FREM3: variants seen among roughly 807,000 people sequenced by gnomAD.
The protein encoded by FREM3 is FRAS1-related extracellular matrix protein 3.
A neutral mutation model predicts 129.1 loss-of-function variants in FREM3; 105 were observed. The ratio of observed to expected loss-of-function variants is 0.81; its 90% confidence interval spans 0.69 to 0.96. The LOEUF (loss-of-function observed/expected upper bound fraction) is 0.96, where lower values mean the gene tolerates loss of function less well. FREM3 is among the 40% of genes least tolerant of loss of function. The pLI is 0.00. For synonymous variants in FREM3, 1,014 were observed against 1,044.9 expected, an observed-to-expected ratio of 0.97 and a Z score of 0.57; for missense variants, 2,593 against 2,666.3, an observed-to-expected ratio of 0.97 and a Z score of 0.61.
chr4:143,584,537 C>T (rs1216826184), intron 7 of FREM3, among the ~76,000 whole-genome samples: 4 of 151,896 alleles, frequency 2.6e-5, no homozygotes, highest in Non-Finnish European at 5.9e-5. Flanking sequence ...CAAAGACAGG[C>T]ATTATATAAT....
rs1228902627 is a variant in FREM3 at position 143,646,810 on chromosome 4, C to T, written c.5276-19050G>A. Reference sequence around the variant, plus strand: ...GAGTGGGGTTCTTCTATAAAGATACCCAAAAATGTGGAAGCGACTTTGGAA... The same window carrying T: ...GAGTGGGGTTCTTCTATAAAGATACTCAAAAATGTGGAAGCGACTTTGGAA... On this transcript the variant is annotated intron_variant, in intron 2 of 7. Transcript: ENST00000329798. Among the ~76,000 whole-genome samples the T allele has an allele frequency of 2.0e-5, 3 of 152,164 alleles. No homozygotes were observed. In the East Asian group the frequency reaches 5.8e-4, roughly 29 times the overall value.
chr4:143,612,327 A>G (rs1738773062), intron 5 of FREM3, among the ~76,000 whole-genome samples: 1 of 152,230 alleles, frequency 6.6e-6, no homozygotes, highest in East Asian at 1.9e-4. Flanking sequence ...AATTTCATAC[A>G]AATGAAGCAT....
At chr4:143,624,694 T>A (rs187076950) in intron 3 of FREM3, among the ~76,000 whole-genome samples, 1 of 152,154 alleles carries the variant, frequency 6.6e-6, no homozygotes, top group Non-Finnish European at 1.5e-5. Flanking sequence ...CCCAGAAAGT[T>A]CATAGTCTCA....
At chr4:143,616,481 A>G (rs951985932) in intron 5 of FREM3, among the ~76,000 whole-genome samples, 8 of 152,060 alleles carry the variant, frequency 5.3e-5, no homozygotes, top group Admixed American at 4.6e-4. Flanking sequence ...CATGCTTGGA[A>G]CCCTTTAAGA....
At chr4:143,648,973 A>T (rs1739466623) in intron 2 of FREM3, among the ~76,000 whole-genome samples, 1 of 152,150 alleles carries the variant, frequency 6.6e-6, no homozygotes, top group Admixed American at 6.5e-5. Context: ...TATGTTGCCT[A>T]GGCTGGTCTC....
At chr4:143,660,342 T>C (rs1271468334) in intron 2 of FREM3, among the ~76,000 whole-genome samples, 2 of 152,104 alleles carry the variant, frequency 1.3e-5, no homozygotes, top group Non-Finnish European at 2.9e-5. Flanking sequence ...AAATGGGGAA[T>C]CCTTTCCCCA....
At chr4:143,641,146 T>G (rs1416877523) in intron 2 of FREM3, among the ~76,000 whole-genome samples, 3 of 151,820 alleles carry the variant, frequency 2.0e-5, no homozygotes, top group African/African-American at 7.3e-5. Flanking sequence ...AAATAGGAGG[T>G]GTAAAAGCCA....
intron 2 of FREM3, among the ~76,000 whole-genome samples, chr4:143,647,091 AG>A (rs1300956042): frequency 6.6e-6 from 1 of 152,204 alleles, no homozygotes; most frequent in African/African-American, 2.4e-5. Flanking sequence ...GTCCAGGTTG[AG>A]GTGGTCTCAG....
chr4:143,650,510 T>A (rs1739492492), intron 2 of FREM3, among the ~76,000 whole-genome samples: 2 of 152,180 alleles, frequency 1.3e-5, no homozygotes, highest in South Asian at 4.1e-4. Flanking sequence ...ACTTATTTAT[T>A]ATAGAGACCT....
intron 2 of FREM3, among the ~76,000 whole-genome samples, chr4:143,663,332 T>C (rs1739780435): frequency 6.6e-6 from 1 of 152,110 alleles, no homozygotes. Context: ...TTATTTCTCC[T>C]TCACTTATGA....
chr4:143,698,175 T>C lies in FREM3; in HGVS notation c.2501A>G (p.Asn834Ser), dbSNP rs1171287061. The change falls in exon 1 of 8, where the codon AAC becomes AGC. Residue 834 changes from asparagine to serine, a missense_variant. Asn to Ser is a conservative substitution (Grantham distance 46, BLOSUM62 1). Coordinates refer to ENST00000329798, the MANE Select transcript of FREM3 (RefSeq NM_001168235.2). The part of the protein sequence containing the change: ...PVDNQPPEVT[N>S]RGFAILEGGS... Reference sequence around the variant, plus strand: ...TCCCTCTAAGATAGCAAAGCCTCTGTTGGTGACTTCTGGGGGCTGGTTGTC... The same window carrying C: ...TCCCTCTAAGATAGCAAAGCCTCTGCTGGTGACTTCTGGGGGCTGGTTGTC... 3.3e-6 allele frequency: 5 copies of C among 1,537,354 alleles called. No individual in the cohort carries two copies. Among genetic ancestry groups the C allele is most frequent in the Admixed American group, 2.0e-5 (1 of 50,978 alleles).
chr4:143,602,777 T>C (rs1450390871), intron 6 of FREM3, among the ~76,000 whole-genome samples: 2 of 152,182 alleles, frequency 1.3e-5, no homozygotes, highest in Non-Finnish European at 2.9e-5. Context: ...TTTTGTCCTG[T>C]ATTTAAAGGA....
chr4:143,630,841 T>C (rs535906940), intron 2 of FREM3, among the ~76,000 whole-genome samples: 7 of 152,294 alleles, frequency 4.6e-5, no homozygotes, highest in African/African-American at 1.7e-4. Flanking sequence ...CATCTACAGA[T>C]GTTTTAAAGC....
chr4:143,663,905 G>A (rs1020542450), intron 2 of FREM3, among the ~76,000 whole-genome samples: 2 of 151,882 alleles, frequency 1.3e-5, no homozygotes, highest in Non-Finnish European at 1.5e-5. Context: ...CATTCTTCAC[G>A]TAGTTCTCGA....
intron 2 of FREM3, among the ~76,000 whole-genome samples, chr4:143,662,878 G>C (rs987929311): frequency 5.3e-5 from 8 of 152,042 alleles, no homozygotes; most frequent in East Asian, 3.9e-4. Flanking sequence ...GGTTTAAAGT[G>C]TGTTTTATCA....
chr4:143,637,162 T>G (rs916564491), intron 2 of FREM3, among the ~76,000 whole-genome samples: 4 of 152,192 alleles, frequency 2.6e-5, no homozygotes, highest in Non-Finnish European at 4.4e-5. Context: ...TCATTGTCAT[T>G]TGGAAAATGC....
chr4:143,647,786 C>G (rs111229588), intron 2 of FREM3, among the ~76,000 whole-genome samples: 75 of 152,266 alleles, frequency 4.9e-4, no homozygotes, highest in African/African-American at 1.8e-3. Context: ...ATGTGAAGCC[C>G]TATGGAGAAC....
intron 2 of FREM3, among the ~76,000 whole-genome samples, chr4:143,656,133 A>G (rs1288559016): frequency 1.3e-5 from 2 of 152,220 alleles, no homozygotes; most frequent in Non-Finnish European, 1.5e-5. Context: ...TAATTCATGC[A>G]TAATTAGATA....
rs1445378436 is a variant in FREM3, at chr4:143,577,417, C to G, written c.*194G>C. ...AACACAGTCTAATTATTTGTGGGCT[C>G]AATGTTTTCTAGGTATATATATTTC... On this transcript the variant is annotated 3_prime_UTR_variant, in exon 8 of 8. Transcript: ENST00000329798. 1.1e-5 allele frequency: 6 copies of G among 555,344 alleles called. No homozygotes were observed. Among genetic ancestry groups the G allele is most frequent in the Non-Finnish European group, 1.9e-5 (6 of 323,706 alleles). 34.4% of individuals were successfully genotyped at this position (555,344 alleles called of 1,614,324 possible). A position where few individuals can be genotyped will look rare whatever the true frequency, so the allele number is the denominator to read the frequency against.
Sources: allele counts gnomAD v4.1 joint callset (sites outside exome capture counted in the v4.1 genomes callset), GRCh38; gene constraint gnomAD v4.1.1; transcripts MANE v1.5; gene names NCBI Gene and HGNC (gene_info 2026-07-23, HGNC 2026-07-21).